Variants in AKNA observed in about 807,000 individuals in gnomAD.
The protein encoded by AKNA is microtubule organization protein AKNA.
Under a neutral mutation model 138.8 loss-of-function variants are expected in AKNA, and 67 were observed. The ratio of observed to expected loss-of-function variants is 0.48; its 90% CI spans 0.40 to 0.59. The LOEUF is 0.59. Ranked by LOEUF, AKNA falls within the 20% of genes least tolerant of loss-of-function variation. AKNA has a pLI of 0.00. For synonymous variants in AKNA, 737 were observed against 754.4 expected, an observed-to-expected ratio of 0.98 and a Z score of 0.38; for missense variants, 1,813 against 1,880.4, an observed-to-expected ratio of 0.96 and a Z score of 0.66.
intron 21 of AKNA, among the ~76,000 whole-genome samples, chr9:114,338,895 T>G (rs528306779): frequency 6.6e-6 from 1 of 152,198 alleles, no homozygotes; most frequent in East Asian, 1.9e-4. Flanking sequence ...GGCCCGACTC[T>G]CCCCACATAT....
At chr9:114,356,488 C>A (rs1831511483) in intron 13 of AKNA, among the ~76,000 whole-genome samples, 1 of 152,196 alleles carries the variant, frequency 6.6e-6, no homozygotes, top group Admixed American at 6.5e-5. Context: ...ACTCTTCACC[C>A]CTGTCCCCTC....
In AKNA at chr9:114,377,393, T is replaced by C. The variant is rs1429266753; in HGVS notation, c.414A>G (p.Gly138=). The C allele has an allele frequency of 6.2e-7, 1 of 1,613,758 alleles. No individual in the cohort carries two copies. The highest frequency in any genetic ancestry group is 1.3e-5 in the African/African-American group (1 of 74,884). The change falls in exon 3 of 22, where the codon GGA becomes GGG. Residue 138 remains glycine (G), a synonymous_variant. Transcript: ENST00000374088. ...CATACCCCAACCTTGAGGAGCTCTCTCCAGCCTCCTCAACCTCCAGACTTC... is the reference window on the plus strand; with the variant it reads ...CATACCCCAACCTTGAGGAGCTCTCCCCAGCCTCCTCAACCTCCAGACTTC... ...TLGSLEVEEA[G]ESSSRLGYEA...
At chr9:114,359,488 A>T (rs2636896) in intron 11 of AKNA, 106 bp downstream of exon 11, 4 of 1,587,756 alleles carry the variant, frequency 2.5e-6, no homozygotes, top group East Asian at 2.2e-5. Flanking sequence ...AGGACAGGTA[A>T]GCCATGTCTA....
intron 18 of AKNA, chr9:114,345,326 C>T (rs1032696140): frequency 6.6e-6 from 1 of 152,098 alleles, no homozygotes; most frequent in Admixed American, 6.6e-5. Flanking sequence ...GTGATTCTCC[C>T]ACCTCGGCCT....
At chr9:114,331,503 C>A, downstream of AKNA, 1 of 1,364,218 alleles carries the variant, frequency 7.3e-7, no homozygotes, top group Non-Finnish European at 1.0e-6. Flanking sequence ...GGACTCCTCA[C>A]CTGTAAGACA....
intron 1 of AKNA, among the ~76,000 whole-genome samples, chr9:114,393,854 AAGAAAG>A (rs1350578469): frequency 6.6e-6 from 1 of 152,086 alleles, no homozygotes; most frequent in Non-Finnish European, 1.5e-5. Context: ...GAGAAAGCAA[AAGAAAG>A]AGAAAGACAT....
At chr9:114,365,140 G>A (rs1832250911) in intron 6 of AKNA, among the ~76,000 whole-genome samples, 1 of 151,732 alleles carries the variant, frequency 6.6e-6, no homozygotes, top group South Asian at 2.1e-4. Flanking sequence ...ACTATCTCTA[G>A]AGGAATTCAA....
Position 114,376,833 on chromosome 9 carries a change from G to T in AKNA, c.974C>A (p.Thr325Lys). 1 of 1,613,516 alleles carries T rather than the reference G, an allele frequency of 6.2e-7. No homozygotes were observed. Among genetic ancestry groups the T allele is most frequent in the South Asian group, 1.1e-5 (1 of 91,042 alleles). Residue 325 changes from threonine to lysine, a missense_variant, in exon 3 of 22, where the codon ACG (threonine) becomes AAG (lysine). Coordinates refer to ENST00000374088, the MANE Select transcript of AKNA (RefSeq NM_001317950.2). ...TCTGGGCAGCGGCCTGCCCTGCCGC[G>T]TTGGCCTGGGCTGGGGATTCAGGGG... is the stretch of plus-strand genomic sequence containing the variant. ...ISPLNPQPRP[T>K]RQGRPLPRQG...
chr9:114,397,140 G>C, upstream of AKNA, among the ~76,000 whole-genome samples: 1 of 152,196 alleles, frequency 6.6e-6, no homozygotes, highest in East Asian at 1.9e-4. Flanking sequence ...AAGGCCCCAC[G>C]TGGACATCGC....
At chr9:114,357,850 G>A in intron 12 of AKNA, 71 bp downstream of exon 12, 1 of 1,570,380 alleles carries the variant, frequency 6.4e-7, no homozygotes, top group Non-Finnish European at 8.6e-7. Context: ...GAAAGACCCA[G>A]AAGCAGAAAG....
intron 11 of AKNA, 126 bp from the exon 12 acceptor site, chr9:114,358,293 C>A (rs747889188): frequency 4.5e-6 from 6 of 1,328,844 alleles, no homozygotes; most frequent in Admixed American, 2.4e-5. Context: ...GGCTGCCCAG[C>A]CTGGTTCTGC....
At chr9:114,357,577 CTA>C (rs1831591668) in intron 12 of AKNA, among the ~76,000 whole-genome samples, 1 of 152,116 alleles carries the variant, frequency 6.6e-6, no homozygotes, top group Non-Finnish European at 1.5e-5. Context: ...ATGCATTATT[CTA>C]TGACAGTCAC....
upstream of AKNA, among the ~76,000 whole-genome samples, chr9:114,392,103 T>C (rs1430668983): frequency 8.2e-5 from 3 of 36,624 alleles, no homozygotes; most frequent in South Asian, 1.2e-3. Context: ...AAGACGCTTG[T>C]CAAAAAAAAA....
chr9:114,388,064 G>A (rs572669132), upstream of AKNA: 70 of 269,296 alleles, frequency 2.6e-4, no homozygotes, highest in Non-Finnish European at 3.0e-4. Context: ...GCCTCGCCTC[G>A]GCAGGAAGCG....
chr9:114,393,213 CTTTT>C (rs869060529), intron 1 of AKNA, among the ~76,000 whole-genome samples: 1 of 132,152 alleles, frequency 7.6e-6, no homozygotes, highest in Non-Finnish European at 1.6e-5. Flanking sequence ...ACAGTATAAT[CTTTT>C]TTTTTTTTTT....
Position 114,381,250 on chromosome 9 carries a change from C to G in AKNA, c.84G>C (p.Glu28Asp). 1.9e-6 allele frequency: 3 copies of G among 1,614,100 alleles called. No homozygotes were observed. Among genetic ancestry groups the G allele is most frequent in the Admixed American group, 1.7e-5 (1 of 60,026 alleles). Reference protein sequence around the residue: ...GPQRRRWAWAEDKRDVDRSSS... With the variant: ...GPQRRRWAWADDKRDVDRSSS... ...TACTTCTATCCACATCCCTCTTGTC[C>G]TCGGCCCAGGCCCAGCGCCGCCGCT... The change falls in exon 2 of 22, where the codon GAG becomes GAC. Residue 28 changes from glutamate to aspartate, a missense_variant. Transcript: ENST00000374088.
At position 114,360,054 on chromosome 9, in the gene AKNA, G is replaced by A. The variant is rs1295749209; in HGVS notation, c.2133C>T (p.Thr711=). The change falls in exon 10 of 22, where the codon ACC becomes ACT. Residue 711 remains threonine (T), a synonymous_variant. Coordinates refer to ENST00000374088, the MANE Select transcript of AKNA (RefSeq NM_001317950.2). ...AIKTSCPEPA[T]TTAAASTGPC... ...GGCCAGTGCTGGCGGCGGCAGTGGTGGTAGCAGGCTGGGGTCAGAAAGATG... is the reference window on the plus strand; with the variant it reads ...GGCCAGTGCTGGCGGCGGCAGTGGTAGTAGCAGGCTGGGGTCAGAAAGATG... 6.2e-7 allele frequency: 1 copy of A among 1,614,154 alleles called. No homozygotes were observed. Among genetic ancestry groups the A allele is most frequent in the Non-Finnish European group, 8.5e-7 (1 of 1,180,032 alleles).
chr9:114,374,087 T>G lies in AKNA; in HGVS notation c.1416+6A>C. On this transcript the variant is annotated splice_donor_region_variant and intron_variant, in intron 4 of 21. Transcript: ENST00000374088. ...CCCATGCCTCCACCCCATCCCGGCC[T>G]GGTACCTTGGCCCCGAGGCGTAGCT... 1 of 1,554,160 alleles carries G rather than the reference T, an allele frequency of 6.4e-7. No homozygotes were observed. The highest frequency in any genetic ancestry group is 1.4e-5 in the African/African-American group (1 of 73,322).
Position 114,337,183 on chromosome 9 carries a change from C to T in AKNA, c.4191G>A (p.Glu1397=), listed in dbSNP as rs200387267. The stretch of plus-strand genomic sequence containing the variant: ...CGGCCCGGCTCAGGGCCTTGTTGAG[C>T]TCCTCTAGGTCGCCCAGGTCGAGCT... ...SIQLDLGDLE[E]LNKALSRAVQ... Residue 1397 remains glutamate, a synonymous_variant, in exon 22 of 22, where the codon GAG becomes GAA. Coordinates refer to ENST00000374088, the MANE Select transcript of AKNA (RefSeq NM_001317950.2). The T allele has an allele frequency of 1.2e-6, 2 of 1,609,980 alleles. No individual in the cohort carries two copies. The highest frequency in any genetic ancestry group is 2.7e-5 in the African/African-American group (2 of 74,986).
Sources: allele counts gnomAD v4.1 joint callset (sites outside exome capture counted in the v4.1 genomes callset), GRCh38; gene constraint gnomAD v4.1.1; transcripts MANE v1.5; gene names NCBI Gene and HGNC (gene_info 2026-07-23, HGNC 2026-07-21).